PTPRK: variants seen among roughly 807,000 people sequenced by gnomAD.
The protein encoded by PTPRK is protein tyrosine phosphatase receptor type K, also known as receptor-type tyrosine-protein phosphatase kappa.
A neutral mutation model predicts 178.0 loss-of-function variants in PTPRK; 75 were observed. The ratio of observed to expected loss-of-function variants is 0.42; its 90% CI spans 0.35 to 0.51. The LOEUF is 0.51. Ranked by LOEUF, PTPRK falls within the 20% of genes least tolerant of loss-of-function variation. The pLI, the probability that PTPRK is intolerant of heterozygous loss-of-function variation, is 0.02. For synonymous variants in PTPRK, 637 were observed against 620.6 expected (o/e 1.03, Z -0.39); for missense variants, 1,441 against 1,797.8 (o/e 0.80, Z 3.59).
At chr6:128,508,205 C>G (rs1218237057) in intron 1 of PTPRK, among the ~76,000 whole-genome samples, 1 of 152,122 alleles carries the variant, frequency 6.6e-6, no homozygotes, top group Non-Finnish European at 1.5e-5. Flanking sequence ...TATTACCATG[C>G]CTTAATAGTC....
At chr6:128,509,386 T>C (rs1273334661) in intron 1 of PTPRK, among the ~76,000 whole-genome samples, 1 of 152,174 alleles carries the variant, frequency 6.6e-6, no homozygotes, top group African/African-American at 2.4e-5. Flanking sequence ...ACAAGAACCA[T>C]GCTCATTCTT....
intron 2 of PTPRK, among the ~76,000 whole-genome samples, chr6:128,367,396 G>T (rs1049546478): frequency 1.3e-5 from 2 of 152,096 alleles, no homozygotes; most frequent in Non-Finnish European, 2.9e-5. Flanking sequence ...CCAGCCATTA[G>T]AATACCCACT....
intron 2 of PTPRK, among the ~76,000 whole-genome samples, chr6:128,362,098 A>T (rs972268971): frequency 6.6e-6 from 1 of 152,164 alleles, no homozygotes; most frequent in African/African-American, 2.4e-5. Flanking sequence ...AAGGGGTTTA[A>T]CTGGTTCACA....
chr6:128,243,188 G>A (rs4483000), intron 3 of PTPRK, among the ~76,000 whole-genome samples: 12,385 of 152,036 alleles, frequency 0.081, 1,214 homozygotes, highest in East Asian at 0.31. Flanking sequence ...TGAGATTAGA[G>A]ACATAGGCAT....
chr6:128,290,027 T>C (rs1823119930), intron 3 of PTPRK, among the ~76,000 whole-genome samples: 1 of 152,106 alleles, frequency 6.6e-6, no homozygotes, highest in African/African-American at 2.4e-5. Context: ...AACCATTCCA[T>C]TTTTACAATT....
intron 7 of PTPRK, among the ~76,000 whole-genome samples, chr6:128,142,192 C>A (rs986035845): frequency 6.6e-6 from 1 of 151,952 alleles, no homozygotes; most frequent in African/African-American, 2.4e-5. Flanking sequence ...ACCTTCCTTT[C>A]TCTAGTTATC....
At chr6:128,186,182 T>G (rs1802739111) in intron 6 of PTPRK, among the ~76,000 whole-genome samples, 1 of 152,066 alleles carries the variant, frequency 6.6e-6, no homozygotes, top group African/African-American at 2.4e-5. Flanking sequence ...GGAGACATAG[T>G]AAAAAGAAAT....
At chr6:128,496,077 C>T (rs1854612079) in intron 1 of PTPRK, among the ~76,000 whole-genome samples, 1 of 152,176 alleles carries the variant, frequency 6.6e-6, no homozygotes, top group Non-Finnish European at 1.5e-5. Flanking sequence ...GTTTCACATC[C>T]ATCTACCCCA....
At chr6:128,423,714 G>A (rs1843757200) in intron 1 of PTPRK, among the ~76,000 whole-genome samples, 1 of 151,994 alleles carries the variant, frequency 6.6e-6, no homozygotes, top group Admixed American at 6.6e-5. Context: ...TGTAATCCCA[G>A]CTACACGGGA....
At chr6:128,151,578 A>C (rs1343516422) in intron 7 of PTPRK, among the ~76,000 whole-genome samples, 1 of 152,088 alleles carries the variant, frequency 6.6e-6, no homozygotes, top group East Asian at 1.9e-4. Flanking sequence ...AAGTGTGCAC[A>C]CACACATATA....
At chr6:128,361,693 A>G (rs1158405729) in intron 2 of PTPRK, among the ~76,000 whole-genome samples, 1 of 152,288 alleles carries the variant, frequency 6.6e-6, no homozygotes, top group East Asian at 1.9e-4. Flanking sequence ...TCACAATGGT[A>G]TTTTTATATC....
chr6:128,107,627 A>G (rs1206871864), intron 7 of PTPRK, among the ~76,000 whole-genome samples: 1 of 152,228 alleles, frequency 6.6e-6, no homozygotes, highest in African/African-American at 2.4e-5. Flanking sequence ...TAAAATAAAG[A>G]AAAAGTGTTT....
At chr6:128,228,958 T>C (rs1811858841) in intron 5 of PTPRK, among the ~76,000 whole-genome samples, 1 of 152,172 alleles carries the variant, frequency 6.6e-6, no homozygotes, top group South Asian at 2.1e-4. Context: ...GAATGAAAGA[T>C]TTCATATACT....
intron 3 of PTPRK, among the ~76,000 whole-genome samples, chr6:128,254,509 G>C (rs1816970830): frequency 6.6e-6 from 1 of 152,068 alleles, no homozygotes; most frequent in African/African-American, 2.4e-5. Flanking sequence ...ATCTATATTT[G>C]TCTTGACTTT....
intron 25 of PTPRK, among the ~76,000 whole-genome samples, chr6:127,980,049 G>A (rs968588735): frequency 3.9e-5 from 6 of 152,116 alleles, no homozygotes; most frequent in Non-Finnish European, 8.8e-5. Flanking sequence ...GGTGGCTTAC[G>A]CCTGTAATCC....
At chr6:127,993,105 C>T (rs57236812) in intron 18 of PTPRK, among the ~76,000 whole-genome samples, 7 of 151,534 alleles carry the variant, frequency 4.6e-5, no homozygotes, top group South Asian at 2.1e-4. Context: ...TACAAATGGA[C>T]GAGGACATAT....
At chr6:128,153,291 T>TA (rs548460442) in intron 7 of PTPRK, among the ~76,000 whole-genome samples, 2,199 of 147,604 alleles carry the variant, frequency 0.015, 36 homozygotes, top group Non-Finnish European at 0.025. Context: ...GAAGACTGAT[T>TA]AAAAAAAAAA....
intron 21 of PTPRK, among the ~76,000 whole-genome samples, chr6:127,987,946 T>A (rs1776161324): frequency 6.6e-6 from 1 of 152,126 alleles, no homozygotes; most frequent in South Asian, 2.1e-4. Context: ...GAAAATAAAA[T>A]TAAATGCATT....
chr6:128,293,753 C>T (rs1019285895), intron 3 of PTPRK, among the ~76,000 whole-genome samples: 4 of 152,044 alleles, frequency 2.6e-5, no homozygotes, highest in Non-Finnish European at 5.9e-5. Flanking sequence ...CTTAGGTTTA[C>T]TACAATTAAA....
Sources: allele counts gnomAD v4.1 joint callset (sites outside exome capture counted in the v4.1 genomes callset), GRCh38; gene constraint gnomAD v4.1.1; transcripts MANE v1.5; gene names NCBI Gene and HGNC (gene_info 2026-07-23, HGNC 2026-07-21).